The following CAMTA1 variants were observed in gnomAD, a reference collection of about 807,000 sequenced individuals.
CAMTA1 encodes the protein calmodulin-binding transcription activator 1.
CAMTA1 carries 27 observed loss-of-function variants against 170.9 expected under a neutral mutation model. That is an observed-to-expected ratio of 0.16 (90% CI 0.12 to 0.22). The LOEUF (loss-of-function observed/expected upper bound fraction) is 0.22, where lower values mean the gene tolerates loss of function less well. Among genes scored for constraint, CAMTA1 ranks in the 10% least tolerant of loss-of-function variants. The probability of loss-of-function intolerance (pLI) is 1.00; values close to 1 mark genes in which losing one functional copy is unlikely to be tolerated. For synonymous variants in CAMTA1, 833 were observed against 891.5 expected, an observed-to-expected ratio of 0.93 and a Z score of 1.17; for missense variants, 1,619 against 2,217.2, an observed-to-expected ratio of 0.73 and a Z score of 5.42.
At chr1:7,088,020 T>A (rs1325507563) in intron 3 of CAMTA1, among the ~76,000 whole-genome samples, 1 of 152,192 alleles carries the variant, frequency 6.6e-6, no homozygotes, top group Non-Finnish European at 1.5e-5. Context: ...GGCCATGGGC[T>A]GGGAAGGCTG....
chr1:7,375,038 A>C (rs925129173), intron 5 of CAMTA1, among the ~76,000 whole-genome samples: 1 of 152,296 alleles, frequency 6.6e-6, no homozygotes, highest in African/African-American at 2.4e-5. Flanking sequence ...TAACCAGCAG[A>C]TAGCCACCAG....
intron 4 of CAMTA1, among the ~76,000 whole-genome samples, chr1:7,150,286 G>A (rs146056568): frequency 4.1e-4 from 62 of 152,324 alleles, no homozygotes; most frequent in Admixed American, 1.8e-3. Context: ...CAGGCCCATT[G>A]CACCTGACTG....
At position 7,234,297 on chromosome 1, in the gene CAMTA1, C is replaced by T. The variant is rs918988684; in HGVS notation, c.303-15194C>T. ...GCCAGCATTCATGTCCTTGCCTTCGCCTCCGCTTCCACCCAGATGCTGCGT... is the reference window on the plus strand; with the variant it reads ...GCCAGCATTCATGTCCTTGCCTTCGTCTCCGCTTCCACCCAGATGCTGCGT... On this transcript the variant is annotated intron_variant, in intron 4 of 22. Transcript: ENST00000303635. This position sits in a 1 kb window ranked among gnomAD's most constrained non-coding sequence, Gnocchi z 5.0. 6.6e-6 allele frequency among the ~76,000 whole-genome samples: 1 copy of T among 152,210 alleles called. No individual in the cohort carries two copies. Among genetic ancestry groups the T allele is most frequent in the Non-Finnish European group, 1.5e-5 (1 of 68,038 alleles).
Position 7,641,910 on chromosome 1 carries a change from C to T in CAMTA1, c.664+1357C>T, listed in dbSNP as rs768787049. ...AACCACTCAATGCCCATTCAATGCA[C>T]GCTCAATGCCCAAGCTCCTGAGCAC... On this transcript the variant is annotated intron_variant, in intron 7 of 22. Coordinates refer to ENST00000303635, the MANE Select transcript of CAMTA1 (RefSeq NM_015215.4). The surrounding 1 kb of genome is among the most constrained non-coding windows in gnomAD (Gnocchi z 4.5). 6.6e-6 allele frequency among the ~76,000 whole-genome samples: 1 copy of T among 152,142 alleles called. No homozygotes were observed. Among genetic ancestry groups the T allele is most frequent in the Non-Finnish European group, 1.5e-5 (1 of 68,010 alleles).
At chr1:7,088,868 C>A (rs1641094635) in intron 3 of CAMTA1, among the ~76,000 whole-genome samples, 1 of 152,164 alleles carries the variant, frequency 6.6e-6, no homozygotes, top group Non-Finnish European at 1.5e-5. Flanking sequence ...TTAGTAAATC[C>A]ACGTACTGAC....
chr1:7,359,514 C>T (rs2085380483), intron 5 of CAMTA1, among the ~76,000 whole-genome samples: 1 of 152,210 alleles, frequency 6.6e-6, no homozygotes, highest in Non-Finnish European at 1.5e-5. Flanking sequence ...TCCTCCTCAT[C>T]CCTCACCCCA....
chr1:7,172,804 G>T (rs79262330), intron 4 of CAMTA1, among the ~76,000 whole-genome samples: 1 of 152,172 alleles, frequency 6.6e-6, no homozygotes, highest in South Asian at 2.1e-4. Context: ...TGGCATCCCC[G>T]GGGCCCTGGA....
chr1:7,608,749 G>A (rs754167156), intron 6 of CAMTA1, among the ~76,000 whole-genome samples: 1 of 152,138 alleles, frequency 6.6e-6, no homozygotes, highest in Non-Finnish European at 1.5e-5. Context: ...AATAATGCAG[G>A]TAGTGAAGTT....
intron 7 of CAMTA1, among the ~76,000 whole-genome samples, chr1:7,658,063 C>T (rs2095920193): frequency 6.6e-6 from 1 of 152,166 alleles, no homozygotes; most frequent in Non-Finnish European, 1.5e-5. Flanking sequence ...TCAAAAGCCT[C>T]ACTGTGCCAA....
chr1:7,600,374 T>A (rs2095430723), intron 6 of CAMTA1, among the ~76,000 whole-genome samples: 1 of 152,208 alleles, frequency 6.6e-6, no homozygotes, highest in Admixed American at 6.5e-5. Context: ...GCATCGAGGT[T>A]CATCAGGGAC....
intron 3 of CAMTA1, among the ~76,000 whole-genome samples, chr1:7,016,524 C>T (rs542147093): frequency 6.6e-6 from 1 of 152,324 alleles, no homozygotes; most frequent in East Asian, 1.9e-4. Flanking sequence ...AAACATAACC[C>T]TTAATTTCCT....
chr1:7,433,455 C>G (rs957743683), intron 5 of CAMTA1, among the ~76,000 whole-genome samples: 2 of 152,170 alleles, frequency 1.3e-5, no homozygotes, highest in African/African-American at 4.8e-5. Context: ...TTTGAGGCTC[C>G]CAAGGACCAC....
At chr1:6,904,793 G>T (rs1425215605) in intron 3 of CAMTA1, among the ~76,000 whole-genome samples, 3 of 122,990 alleles carry the variant, frequency 2.4e-5, no homozygotes, top group Non-Finnish European at 3.2e-5. Flanking sequence ...AGGTCTTGCT[G>T]TGTTGCCTAG....
intron 6 of CAMTA1, among the ~76,000 whole-genome samples, chr1:7,498,433 G>A (rs1452597502): frequency 6.6e-6 from 1 of 150,998 alleles, no homozygotes; most frequent in Non-Finnish European, 1.5e-5. Flanking sequence ...GGATGTGCGT[G>A]TGTATGAGTG....
intron 4 of CAMTA1, among the ~76,000 whole-genome samples, chr1:7,103,762 GCACA>G (rs1348844135): frequency 6.8e-6 from 1 of 148,022 alleles, no homozygotes; most frequent in Admixed American, 6.8e-5. Context: ...TTACACACAT[GCACA>G]CACAACACAC....
intron 3 of CAMTA1, among the ~76,000 whole-genome samples, chr1:6,848,626 G>A (rs989592847): frequency 5.3e-5 from 8 of 152,200 alleles, no homozygotes; most frequent in African/African-American, 1.9e-4. Flanking sequence ...ATCTGACTTG[G>A]GAGGTAGAGT....
intron 6 of CAMTA1, among the ~76,000 whole-genome samples, chr1:7,505,911 G>C (rs2094099217): frequency 6.6e-6 from 1 of 152,114 alleles, no homozygotes; most frequent in Middle Eastern, 3.2e-3. Context: ...GACCTCACCT[G>C]GCCCTCCCAG....
intron 11 of CAMTA1, among the ~76,000 whole-genome samples, chr1:7,714,685 C>G (rs1352231743): frequency 1.3e-5 from 2 of 152,048 alleles, no homozygotes; most frequent in East Asian, 3.9e-4. Flanking sequence ...CCACACCTGG[C>G]TAATTTTTGT....
intron 5 of CAMTA1, among the ~76,000 whole-genome samples, chr1:7,358,606 G>C (rs149915355): frequency 6.6e-6 from 1 of 152,146 alleles, no homozygotes; most frequent in South Asian, 2.1e-4. Flanking sequence ...GACTCGCCTC[G>C]TCAGACTTGG....
Sources: gnomAD v4.1 joint callset for allele counts (sites outside exome capture counted in the v4.1 genomes callset) on GRCh38, gnomAD v4.1.1 for gene constraint, Gnocchi (gnomAD v3.1) non-coding constraint, MANE v1.5 for transcripts, NCBI Gene and HGNC (gene_info 2026-07-23, HGNC 2026-07-21) for gene names.